CCDC197: variants seen among roughly 807,000 people sequenced by gnomAD.
CCDC197 encodes the protein coiled-coil domain containing 197.
A neutral mutation model predicts 13.4 loss-of-function variants in CCDC197; 24 were observed. The ratio of observed to expected loss-of-function variants is 1.80; its 90% CI spans 1.30 to 2.53. The LOEUF (loss-of-function observed/expected upper bound fraction) is 2.53, where lower values mean the gene tolerates loss of function less well. Among genes scored for constraint, CCDC197 ranks in the 30% most tolerant of loss-of-function variants. CCDC197 has a pLI of 0.00. For missense variants in CCDC197, 255 were observed against 148.8 expected, an observed-to-expected ratio of 1.71 and a Z score of -3.71; for synonymous variants, 99 against 55.5, an observed-to-expected ratio of 1.78 and a Z score of -3.48.
Position 93,998,044 on chromosome 14 carries a change from C to A in CCDC197, c.-88C>A, listed in dbSNP as rs1273197525. Reference sequence around the variant, plus strand: ...TTCCAAGGATCTGAAGAGGAAGCTGCGGCTGTGACTGTCCCTTTTCGGTCT... The same window carrying A: ...TTCCAAGGATCTGAAGAGGAAGCTGAGGCTGTGACTGTCCCTTTTCGGTCT... On this transcript the variant is annotated 5_prime_UTR_variant, in exon 2 of 7. Transcript: ENST00000636493. 2.7e-6 allele frequency: 2 copies of A among 737,682 alleles called. No individual in the cohort carries two copies. Among genetic ancestry groups the A allele is most frequent in the East Asian group, 5.0e-5 (2 of 40,120 alleles). The allele number at this position is 737,682 out of a possible 1,614,324, so 45.7% of individuals were successfully genotyped here.
At chr14:93,991,086 T>C (rs551178112) in intron 1 of CCDC197, among the ~76,000 whole-genome samples, 8 of 152,162 alleles carry the variant, frequency 5.3e-5, no homozygotes, top group Non-Finnish European at 1.2e-4. Context: ...ATGCCAACAT[T>C]AAGAAAGTGG....
At chr14:93,991,958 G>A (rs1233789643) in intron 1 of CCDC197, among the ~76,000 whole-genome samples, 1 of 152,246 alleles carries the variant, frequency 6.6e-6, no homozygotes, top group Admixed American at 6.5e-5. Flanking sequence ...ATGTTTTAAA[G>A]TGGTGGTGTG....
rs375118360 is a variant in CCDC197 at position 93,998,120 on chromosome 14, G to A, written c.-12G>A. 6.9e-5 allele frequency: 54 copies of A among 780,412 alleles called. 1 individual carries two copies. Among genetic ancestry groups the A allele is most frequent in the African/African-American group, 4.4e-4 (26 of 59,136 alleles). 48.3% of individuals were successfully genotyped at this position (780,412 alleles called of 1,614,324 possible). A position where few individuals can be genotyped will look rare whatever the true frequency, so the allele number is the denominator to read the frequency against. Reference sequence around the variant, plus strand: ...TCTCCTGTCCTCCTGCATAGCTTGCGGTGGTGAGGTGATGGCAGCCATGGA... The same window carrying A: ...TCTCCTGTCCTCCTGCATAGCTTGCAGTGGTGAGGTGATGGCAGCCATGGA... On this transcript the variant is annotated 5_prime_UTR_variant, in exon 2 of 7. Transcript: ENST00000636493.
Position 94,003,933 on chromosome 14 carries a change from A to C in CCDC197, c.498+579A>C, listed in dbSNP as rs1890610181. Among the ~76,000 whole-genome samples the C allele has an allele frequency of 6.6e-6, 1 of 152,196 alleles. No individual in the cohort carries two copies. The highest frequency in any genetic ancestry group is 1.5e-5 in the Non-Finnish European group (1 of 68,038). On this transcript the variant is annotated intron_variant, in intron 5 of 6. Coordinates refer to ENST00000636493, the MANE Select transcript of CCDC197 (RefSeq NM_001351596.2). This position sits in a 1 kb window ranked among gnomAD's most constrained non-coding sequence, Gnocchi z 5.0. ...TCCTTGTATAATGTTTGTGGTTAAT[A>C]ATAAGATAACGGTGTTTAAGTGAGT...
At chr14:94,011,588 A>G (rs1178100332), downstream of CCDC197, among the ~76,000 whole-genome samples, 1 of 152,210 alleles carries the variant, frequency 6.6e-6, no homozygotes, top group Non-Finnish European at 1.5e-5. Context: ...TCGCTCCCCC[A>G]TGACCCTGCA....
downstream of CCDC197, among the ~76,000 whole-genome samples, chr14:94,010,696 C>G (rs1014636938): frequency 4.6e-5 from 7 of 152,266 alleles, no homozygotes; most frequent in South Asian, 2.1e-4. Context: ...ATGCGGAACC[C>G]CCTGAGCAGT....
In CCDC197 at chr14:94,002,213, T is replaced by C. The variant is rs570036173; in HGVS notation, c.366+890T>C. ...GAAGCGGGGCCACGGGGGTATGTCC[T>C]GCGTCTGTCTTTCTCTCTCTCTTTC... is the stretch of plus-strand genomic sequence containing the variant. On this transcript the variant is annotated intron_variant, in intron 4 of 6. Transcript: ENST00000636493. Among the ~76,000 whole-genome samples, 893 of 152,332 alleles carry C rather than the reference T, an allele frequency of 5.9e-3. 4 individuals are homozygous for C. The highest frequency in any genetic ancestry group is 9.0e-3 in the Non-Finnish European group (610 of 68,034).
intron 6 of CCDC197, chr14:94,007,514 T>C (rs1345507960): frequency 2.6e-5 from 4 of 152,264 alleles, no homozygotes; most frequent in Admixed American, 2.6e-4. Context: ...CATACTGTCT[T>C]TATTACTGTG....
chr14:93,988,399 G>A (rs1434854366), intron 1 of CCDC197, among the ~76,000 whole-genome samples: 2 of 102,852 alleles, frequency 1.9e-5, no homozygotes, highest in Non-Finnish European at 4.0e-5. Context: ...ATGAGAGAGG[G>A]GATGGGAAGA....
chr14:93,988,262 AG>A (rs1890136988), intron 1 of CCDC197, among the ~76,000 whole-genome samples: 1 of 28,126 alleles, frequency 3.6e-5, no homozygotes, highest in Non-Finnish European at 6.5e-5. Context: ...GGATGGAAGG[AG>A]GGGATGGGAG....
At chr14:93,993,647 G>A (rs536770778), upstream of CCDC197, among the ~76,000 whole-genome samples, 5 of 152,368 alleles carry the variant, frequency 3.3e-5, no homozygotes, top group Admixed American at 3.3e-4. Context: ...TTCTGCAGAA[G>A]GCCTGATCAG....
intron 2 of CCDC197, chr14:93,999,244 G>A (rs898876802): frequency 3.8e-5 from 9 of 239,094 alleles, no homozygotes; most frequent in Non-Finnish European, 6.4e-5. Flanking sequence ...AATAGGGGCC[G>A]GCCTGTCTCC....
Position 93,998,204 on chromosome 14 carries a change from C to T in CCDC197, c.73C>T (p.Leu25=), listed in dbSNP as rs748956858. The T allele has an allele frequency of 1.3e-6, 1 of 780,614 alleles. No individual in the cohort carries two copies. The highest frequency in any genetic ancestry group is 1.3e-5 in the South Asian group (1 of 74,620). 48.4% of individuals were successfully genotyped at this position (780,614 alleles called of 1,614,324 possible). The part of the protein sequence containing the change: ...PGDKEGDLQG[L]WQELYQLQAK... ...TGACAAGGAAGGGGACCTTCAAGGG[C>T]TGTGGCAGGAACTCTACCAGCTCCA... The change falls in exon 2 of 7, where the codon CTG becomes TTG. Residue 25 remains leucine (L), a synonymous_variant. Coordinates refer to ENST00000636493, the MANE Select transcript of CCDC197 (RefSeq NM_001351596.2).
intron 1 of CCDC197, among the ~76,000 whole-genome samples, chr14:93,990,133 T>TC (rs1890182649): frequency 6.6e-6 from 1 of 152,212 alleles, no homozygotes; most frequent in Non-Finnish European, 1.5e-5. Context: ...GACCCGTGGG[T>TC]AATCTTCCTA....
chr14:93,994,458 G>C (rs1419716608), upstream of CCDC197, among the ~76,000 whole-genome samples: 1 of 152,180 alleles, frequency 6.6e-6, no homozygotes, highest in Non-Finnish European at 1.5e-5. Flanking sequence ...TCCCAGTAAA[G>C]AGTCAGGCAG....
Position 94,003,328 on chromosome 14 carries a change from G to A in CCDC197, c.472G>A (p.Asp158Asn), listed in dbSNP as rs530908841. Residue 158 changes from aspartate to asparagine, a missense_variant, in exon 5 of 7, where the codon GAC (aspartate) becomes AAC (asparagine). By Grantham distance (23) the Asp-to-Asn change is conservative (BLOSUM62 1). Transcript: ENST00000636493. The surrounding 1 kb of genome is among the most constrained non-coding windows in gnomAD (Gnocchi z 5.0). ...CACTTACCAGAAGGACATTGACTTT[G>A]ACACACACACCAGCAGCAGCTATAA... The part of the protein sequence containing the change: ...SITYQKDIDF[D>N]THTSSSYNDQ... 3.4e-6 allele frequency: 2 copies of A among 590,052 alleles called. No individual in the cohort carries two copies. Among genetic ancestry groups the A allele is most frequent in the East Asian group, 8.4e-5 (2 of 23,858 alleles). 36.6% of individuals were successfully genotyped at this position (590,052 alleles called of 1,614,324 possible).
intron 1 of CCDC197, among the ~76,000 whole-genome samples, 161 bp from the exon 2 acceptor site, chr14:93,997,838 G>A (rs1890365035): frequency 1.3e-5 from 2 of 152,184 alleles, no homozygotes; most frequent in African/African-American, 4.8e-5. Context: ...AGTGAAACAA[G>A]GCCCCTGCAG....
Position 94,003,440 on chromosome 14 carries a change from G to T in CCDC197, c.498+86G>T. 1.5e-6 allele frequency: 1 copy of T among 656,876 alleles called. No individual in the cohort carries two copies. The highest frequency in any genetic ancestry group is 1.6e-5 in the South Asian group (1 of 60,988). The allele number at this position is 656,876 out of a possible 1,614,324, so 40.7% of individuals were successfully genotyped here. On this transcript the variant is annotated intron_variant, in intron 5 of 6. Transcript: ENST00000636493. This position sits in a 1 kb window ranked among gnomAD's most constrained non-coding sequence, Gnocchi z 5.0. Reference sequence around the variant, plus strand: ...TCCATCATCAATCCCAAAACACACAGACACATACGCACGCAGACACACACA... The same window carrying T: ...TCCATCATCAATCCCAAAACACACATACACATACGCACGCAGACACACACA...
intron 1 of CCDC197, among the ~76,000 whole-genome samples, chr14:93,987,924 C>T (rs1290197174): frequency 7.8e-6 from 1 of 128,712 alleles, no homozygotes; most frequent in Non-Finnish European, 1.6e-5. Flanking sequence ...TCAGGGAGGA[C>T]AGCGCGGGAG....
Sources: gnomAD v4.1 joint callset for allele counts (sites outside exome capture counted in the v4.1 genomes callset) on GRCh38, gnomAD v4.1.1 for gene constraint, Gnocchi (gnomAD v3.1) non-coding constraint, MANE v1.5 for transcripts, NCBI Gene and HGNC (gene_info 2026-07-23, HGNC 2026-07-21) for gene names.